The following CASZ1 variants were observed in gnomAD, a reference collection of about 807,000 sequenced individuals.
CASZ1 encodes zinc finger protein castor homolog 1.
Under a neutral mutation model 135.2 loss-of-function variants are expected in CASZ1, and 28 were observed. That is an observed-to-expected ratio of 0.21 (90% CI 0.15 to 0.28). The LOEUF is 0.28. Among genes scored for constraint, CASZ1 ranks in the 10% least tolerant of loss-of-function variants. CASZ1 has a pLI of 1.00. For missense variants in CASZ1, 2,161 were observed against 2,453.3 expected (o/e 0.88, Z 2.52); for synonymous variants, 1,068 against 1,073.4 (o/e 0.99, Z 0.10).
intron 4 of CASZ1, among the ~76,000 whole-genome samples, chr1:10,690,579 G>A (rs1277338726): frequency 6.6e-6 from 1 of 152,194 alleles, no homozygotes; most frequent in Admixed American, 6.5e-5. Context: ...TGGAGCCCCA[G>A]AAGGAGAAAG....
intron 4 of CASZ1, among the ~76,000 whole-genome samples, chr1:10,678,499 G>C (rs1570463049): frequency 1.6e-5 from 2 of 126,268 alleles, no homozygotes; most frequent in African/African-American, 2.6e-5. Flanking sequence ...GCCCCCGCGA[G>C]GGGGCCCGAG....
chr1:10,643,054 C>T lies in CASZ1; in HGVS notation c.4021-54G>A, dbSNP rs1642257756. 5 of 1,598,476 alleles carry T rather than the reference C, an allele frequency of 3.1e-6. No homozygotes were observed. In the Admixed American group the frequency reaches 8.4e-5, roughly 27 times the overall value. On this transcript the variant is annotated intron_variant, in intron 19 of 20. Transcript: ENST00000377022. ...GTGGGGCTGTGGGGTATGCTGCCCACAGAGGGCAGGCTGAGGCTCCATGCA... is the reference window on the plus strand; with the variant it reads ...GTGGGGCTGTGGGGTATGCTGCCCATAGAGGGCAGGCTGAGGCTCCATGCA...
At position 10,659,825 on chromosome 1, in the gene CASZ1, G is replaced by A. The variant is rs760637822; in HGVS notation, c.1217C>T (p.Ala406Val). The A allele has an allele frequency of 1.8e-5, 29 of 1,612,910 alleles. No homozygotes were observed. The highest frequency in any genetic ancestry group is 2.3e-5 in the Non-Finnish European group (27 of 1,179,384). Residue 406 changes from alanine to valine, a missense_variant, in exon 6 of 21, where the codon GCC becomes GTC. By Grantham distance (64) the Ala-to-Val change is moderately conservative (BLOSUM62 0). Transcript: ENST00000377022. ...APAPLASVPSAPSAPGPGPEP... is the reference protein window; with the variant it reads ...APAPLASVPSVPSAPGPGPEP... ...TGGCCCTGGCCCGGGGGCGCTGGGG[G>A]CACTGGGCACGCTGGCGAGGGGTGC...
chr1:10,774,856 G>T lies in CASZ1; in HGVS notation c.-233-13999C>A, dbSNP rs899901013. 7.2e-5 allele frequency among the ~76,000 whole-genome samples: 11 copies of T among 152,126 alleles called. No individual in the cohort carries two copies. The highest frequency in any genetic ancestry group is 2.7e-4 in the African/African-American group (11 of 41,412). On this transcript the variant is annotated intron_variant, in intron 1 of 20. Coordinates refer to ENST00000377022, the MANE Select transcript of CASZ1 (RefSeq NM_001079843.3). The surrounding 1 kb of genome is among the most constrained non-coding windows in gnomAD (Gnocchi z 4.4). ...CCCGCGGTCTTACAGACAAGGGAAT[G>T]AATCCCCACGTGTCTCCTGCAACCA...
chr1:10,738,931 T>G (rs995693975), intron 2 of CASZ1, among the ~76,000 whole-genome samples: 6 of 149,720 alleles, frequency 4.0e-5, no homozygotes, highest in East Asian at 1.9e-4. Flanking sequence ...TTTTTTTTTT[T>G]TTTTTTTTTT....
chr1:10,716,238 A>G (rs191808815), intron 2 of CASZ1, among the ~76,000 whole-genome samples: 1 of 149,214 alleles, frequency 6.7e-6, no homozygotes, highest in East Asian at 2.0e-4. Context: ...ACAGCACCCA[A>G]TCCCCACCCC....
chr1:10,792,218 A>AT (rs1445464703), intron 1 of CASZ1, among the ~76,000 whole-genome samples: 5 of 132,094 alleles, frequency 3.8e-5, no homozygotes, highest in African/African-American at 1.5e-4. Flanking sequence ...GGGTGGAGTC[A>AT]GTTTTTTTTT....
At chr1:10,692,456 G>T (rs888054937) in intron 4 of CASZ1, among the ~76,000 whole-genome samples, 1 of 152,038 alleles carries the variant, frequency 6.6e-6, no homozygotes, top group African/African-American at 2.4e-5. Context: ...ATGAGACACC[G>T]ACTGGAGGTG....
rs1642494183 is a variant in CASZ1 at position 10,649,631 on chromosome 1, G to A, written c.2881-194C>T. ...AACAGAGAGCCTGCTGTGCTGCCCC[G>A]ACCCCAGGAGCTGCGAGGCCTCCTC... On this transcript the variant is annotated intron_variant, in intron 13 of 20. Transcript: ENST00000377022. The A allele has an allele frequency of 2.7e-5, 17 of 619,434 alleles. No homozygotes were observed. The South Asian group carries it at 3.3e-4, about 12-fold the overall frequency. 38.4% of individuals were successfully genotyped at this position (619,434 alleles called of 1,614,324 possible).
intron 2 of CASZ1, among the ~76,000 whole-genome samples, chr1:10,749,861 C>G (rs146323575): frequency 6.6e-6 from 1 of 152,344 alleles, no homozygotes; most frequent in Non-Finnish European, 1.5e-5. Context: ...TGGCTGCTCC[C>G]TGCTCCCCAG....
At chr1:10,650,615 C>T in intron 13 of CASZ1, 77 bp downstream of exon 13, 2 of 1,252,162 alleles carry the variant, frequency 1.6e-6, no homozygotes, top group Non-Finnish European at 2.3e-6. Flanking sequence ...AAAAAACAAA[C>T]ACATCCCCCC....
At position 10,647,208 on chromosome 1, in the gene CASZ1, C is replaced by T. The variant is rs946534459; in HGVS notation, c.3497+593G>A. 1.8e-5 allele frequency: 18 copies of T among 986,754 alleles called. No individual in the cohort carries two copies. Among genetic ancestry groups the T allele is most frequent in the Middle Eastern group, 5.2e-4 (1 of 1,936 alleles). The allele number at this position is 986,754 out of a possible 1,614,324, so 61.1% of individuals were successfully genotyped here. A position where few individuals can be genotyped will look rare whatever the true frequency, so the allele number is the denominator to read the frequency against. ...AGAGGGAGGACAGCTGCCACTCAGG[C>T]GATATAAATAATCCAATTTATTACT... is the stretch of plus-strand genomic sequence containing the variant. On this transcript the variant is annotated intron_variant, in intron 16 of 20. Coordinates refer to ENST00000377022, the MANE Select transcript of CASZ1 (RefSeq NM_001079843.3). The surrounding 1 kb of genome is among the most constrained non-coding windows in gnomAD (Gnocchi z 4.9).
chr1:10,719,501 T>A lies in CASZ1; in HGVS notation c.-76-13957A>T, dbSNP rs1639456700. On this transcript the variant is annotated intron_variant, in intron 2 of 20. Transcript: ENST00000377022. The surrounding 1 kb of genome is among the most constrained non-coding windows in gnomAD (Gnocchi z 4.0). ...GAATCTGAGTGCTTGGGAGAAGGGA[T>A]CCCTAAGAAGCAGCGCTGTGGGGAA... Among the ~76,000 whole-genome samples the A allele has an allele frequency of 6.6e-6, 1 of 152,100 alleles. No individual in the cohort carries two copies. The highest frequency in any genetic ancestry group is 2.4e-5 in the African/African-American group (1 of 41,424).
Position 10,658,272 on chromosome 1 carries a change from T to TG in CASZ1, c.1409+235dup, listed in dbSNP as rs1483057461. ...CCTGCGTCGGGACCCCGGCCCTAAC[T>TG]GGGGGCACAGGCTGCTGAGGGAATG... On this transcript the variant is annotated intron_variant, in intron 7 of 20. Coordinates refer to ENST00000377022, the MANE Select transcript of CASZ1 (RefSeq NM_001079843.3). 2.1e-5 allele frequency: 11 copies of TG among 525,674 alleles called. No individual in the cohort carries two copies. The Admixed American group carries it at 2.8e-4, about 13-fold the overall frequency. The allele number at this position is 525,674 out of a possible 1,614,324, so 32.6% of individuals were successfully genotyped here.
Position 10,701,797 on chromosome 1 carries a change from AC to A in CASZ1, c.-24+3694del, listed in dbSNP as rs1639066844. Among the ~76,000 whole-genome samples, 1 of 152,014 alleles carries A rather than the reference AC, an allele frequency of 6.6e-6. No homozygotes were observed. ...CTGAGCCCCTAGGACCAGGCAGCTGACGGGGGGCTGGCTTTCCTGCCTCCTG... is the reference window on the plus strand; with the variant it reads ...CTGAGCCCCTAGGACCAGGCAGCTGAGGGGGGCTGGCTTTCCTGCCTCCTG... On this transcript the variant is annotated intron_variant, in intron 3 of 20. Transcript: ENST00000377022. The surrounding 1 kb of genome is among the most constrained non-coding windows in gnomAD (Gnocchi z 6.3).
rs1639580201 is a variant in CASZ1 at position 10,725,479 on chromosome 1, C to T, written c.-76-19935G>A. 6.6e-6 allele frequency among the ~76,000 whole-genome samples: 1 copy of T among 152,204 alleles called. No homozygotes were observed. The highest frequency in any genetic ancestry group is 2.4e-5 in the African/African-American group (1 of 41,448). On this transcript the variant is annotated intron_variant, in intron 2 of 20. Transcript: ENST00000377022. This position sits in a 1 kb window ranked among gnomAD's most constrained non-coding sequence, Gnocchi z 4.4. ...GACAGTTTGCAGATTGCTCTGTTGG[C>T]TCAATTTCTTATTGGATTTCTCAAA... is the stretch of plus-strand genomic sequence containing the variant.
At position 10,725,903 on chromosome 1, in the gene CASZ1, G is replaced by A. The variant is rs974392978; in HGVS notation, c.-76-20359C>T. 5.3e-5 allele frequency among the ~76,000 whole-genome samples: 8 copies of A among 152,108 alleles called. No individual in the cohort carries two copies. The highest frequency in any genetic ancestry group is 3.9e-4 in the Admixed American group (6 of 15,280). ...GCCGAATGTTCTAGAAGGATGGGCCGGACTTAGGAGGGGGCAGCATCCTCA... is the reference window on the plus strand; with the variant it reads ...GCCGAATGTTCTAGAAGGATGGGCCAGACTTAGGAGGGGGCAGCATCCTCA... On this transcript the variant is annotated intron_variant, in intron 2 of 20. Transcript: ENST00000377022. The surrounding 1 kb of genome is among the most constrained non-coding windows in gnomAD (Gnocchi z 4.4).
chr1:10,787,391 G>A (rs1640877152), intron 1 of CASZ1, among the ~76,000 whole-genome samples: 1 of 152,216 alleles, frequency 6.6e-6, no homozygotes, highest in Non-Finnish European at 1.5e-5. Flanking sequence ...GAGATGCTGG[G>A]GCCTGACCCA....
intron 1 of CASZ1, among the ~76,000 whole-genome samples, chr1:10,768,265 T>G (rs1043940447): frequency 2.6e-5 from 4 of 152,216 alleles, no homozygotes; most frequent in Non-Finnish European, 5.9e-5. Context: ...TCACCCAGGC[T>G]GGAGTGCAGT....
Sources: allele counts gnomAD v4.1 joint callset (sites outside exome capture counted in the v4.1 genomes callset), GRCh38; gene constraint gnomAD v4.1.1; non-coding constraint Gnocchi (gnomAD v3.1); transcripts MANE v1.5; gene names NCBI Gene and HGNC (gene_info 2026-07-23, HGNC 2026-07-21).